DDAH1: variants seen among roughly 807,000 people sequenced by gnomAD.
DDAH1 encodes the protein dimethylarginine dimethylaminohydrolase 1.
Under a neutral mutation model 28.8 loss-of-function variants are expected in DDAH1, and 19 were observed. The observed-to-expected ratio is 0.66, with a 90% CI of 0.46 to 0.97. DDAH1 has a LOEUF of 0.97. DDAH1 is among the 50% of genes least tolerant of loss of function. The pLI, the probability that DDAH1 is intolerant of heterozygous loss-of-function variation, is 0.00. For missense variants in DDAH1, 326 were observed against 375.9 expected (o/e 0.87, Z 1.10); for synonymous variants, 153 against 154.4 (o/e 0.99, Z 0.07).
At chr1:85,360,239 TATC>T (rs1200967926) in intron 1 of DDAH1, among the ~76,000 whole-genome samples, 1 of 152,184 alleles carries the variant, frequency 6.6e-6, no homozygotes, top group East Asian at 1.9e-4. Flanking sequence ...AAAATAAATA[TATC>T]ATCTCATCCT....
At chr1:85,523,580 G>A (rs1299201592) in intron 1 of DDAH1, among the ~76,000 whole-genome samples, 3 of 152,150 alleles carry the variant, frequency 2.0e-5, no homozygotes, top group East Asian at 3.9e-4. Flanking sequence ...TTCAGCAAGA[G>A]CCTGGCCTGG....
At chr1:85,552,756 T>C (rs1290022449) in intron 1 of DDAH1, among the ~76,000 whole-genome samples, 2 of 152,136 alleles carry the variant, frequency 1.3e-5, no homozygotes, top group Non-Finnish European at 1.5e-5. Flanking sequence ...TGGACAAGAA[T>C]CAGGTATTCA....
intron 1 of DDAH1, among the ~76,000 whole-genome samples, chr1:85,503,403 G>A (rs1353297726): frequency 6.6e-6 from 1 of 152,114 alleles, no homozygotes; most frequent in African/African-American, 2.4e-5. Context: ...TTTTCACCAT[G>A]TTAGCCAGGC....
intron 1 of DDAH1, among the ~76,000 whole-genome samples, chr1:85,554,312 G>T: frequency 8.3e-6 from 1 of 120,740 alleles, no homozygotes. Context: ...CTCTAAAGCA[G>T]CTTTCTTTTA....
intron 1 of DDAH1, among the ~76,000 whole-genome samples, chr1:85,426,870 C>T (rs1653416258): frequency 1.5e-5 from 2 of 136,224 alleles, no homozygotes; most frequent in African/African-American, 5.6e-5. Flanking sequence ...CATAATGTGC[C>T]ACTGCATTCC....
intron 1 of DDAH1, among the ~76,000 whole-genome samples, chr1:85,390,236 C>T (rs530467793): frequency 2.6e-5 from 4 of 152,206 alleles, no homozygotes; most frequent in South Asian, 2.1e-4. Context: ...CAGCTTTATC[C>T]GGGGTCCCTT....
intron 4 of DDAH1, among the ~76,000 whole-genome samples, chr1:85,325,352 C>CGT (rs962550513): frequency 1.1e-4 from 14 of 131,140 alleles, no homozygotes; most frequent in East Asian, 3.9e-4. Context: ...CATGCACGTG[C>CGT]GTGCGCGCGC....
chr1:85,570,689 T>C (rs1659429830), intron 1 of DDAH1, among the ~76,000 whole-genome samples: 3 of 152,188 alleles, frequency 2.0e-5, no homozygotes. Flanking sequence ...GCTATCACCA[T>C]GCCTGTTCTC....
chr1:85,543,952 A>G (rs972395797), intron 1 of DDAH1, among the ~76,000 whole-genome samples: 25 of 152,224 alleles, frequency 1.6e-4, no homozygotes, highest in African/African-American at 5.5e-4. Context: ...CTGGAAATAC[A>G]TGATTAAAGA....
intron 4 of DDAH1, among the ~76,000 whole-genome samples, chr1:85,327,774 TA>T (rs968457356): frequency 1.3e-5 from 2 of 151,968 alleles, no homozygotes; most frequent in African/African-American, 4.8e-5. Context: ...GAAGATTATT[TA>T]AAAAAAACCC....
exon 2 of DDAH1, chr1:85,496,184 G>A: frequency 1.0e-6 from 1 of 979,504 alleles, no homozygotes; most frequent in Non-Finnish European, 1.2e-6. Flanking sequence ...AATTTAGAAG[G>A]TCTTTCTTGA....
intron 1 of DDAH1, among the ~76,000 whole-genome samples, chr1:85,416,997 T>C (rs1295450431): frequency 6.6e-6 from 1 of 152,140 alleles, no homozygotes; most frequent in Non-Finnish European, 1.5e-5. Context: ...TAACCAAGGT[T>C]CTCTCAGTGG....
intron 1 of DDAH1, among the ~76,000 whole-genome samples, chr1:85,561,901 G>T (rs1337997047): frequency 6.6e-6 from 1 of 152,136 alleles, no homozygotes; most frequent in Non-Finnish European, 1.5e-5. Flanking sequence ...AAACTTTATT[G>T]GATGTTGGAT....
At chr1:85,455,945 T>C (rs1654861670) in intron 1 of DDAH1, among the ~76,000 whole-genome samples, 1 of 152,206 alleles carries the variant, frequency 6.6e-6, no homozygotes, top group Non-Finnish European at 1.5e-5. Context: ...ATAATGTCTT[T>C]GGTTGAATAA....
At chr1:85,518,452 C>G (rs1428104553) in intron 1 of DDAH1, among the ~76,000 whole-genome samples, 1 of 152,176 alleles carries the variant, frequency 6.6e-6, no homozygotes, top group Admixed American at 6.5e-5. Flanking sequence ...TCTCTCTTTC[C>G]TTGCTGACTA....
At chr1:85,327,868 CTT>C (rs1570376393) in intron 4 of DDAH1, among the ~76,000 whole-genome samples, 2 of 152,354 alleles carry the variant, frequency 1.3e-5, no homozygotes, top group East Asian at 1.9e-4. Flanking sequence ...TCACTTCCCT[CTT>C]TGTTTCTTGC....
intron 1 of DDAH1, among the ~76,000 whole-genome samples, chr1:85,371,634 T>C (rs1181919083): frequency 2.0e-5 from 3 of 152,192 alleles, no homozygotes; most frequent in African/African-American, 7.2e-5. Flanking sequence ...GGCAAGGCTA[T>C]ATAGCAAGAA....
intron 1 of DDAH1, among the ~76,000 whole-genome samples, chr1:85,422,913 G>A (rs1156996132): frequency 3.3e-5 from 5 of 152,184 alleles, no homozygotes; most frequent in Non-Finnish European, 5.9e-5. Context: ...GCTAGGAAGA[G>A]AGAATCCAAC....
At chr1:85,515,183 A>C (rs1449930275) in intron 1 of DDAH1, among the ~76,000 whole-genome samples, 1 of 150,834 alleles carries the variant, frequency 6.6e-6, no homozygotes, top group Admixed American at 6.6e-5. Flanking sequence ...TGAGGTCAGG[A>C]CTTCAAGCCC....
Sources: allele counts gnomAD v4.1 joint callset (sites outside exome capture counted in the v4.1 genomes callset), GRCh38; gene constraint gnomAD v4.1.1; transcripts MANE v1.5; gene names NCBI Gene and HGNC (gene_info 2026-07-23, HGNC 2026-07-21).